Variants in PRKCE observed in about 807,000 individuals in gnomAD.
PRKCE encodes protein kinase C epsilon.
Under a neutral mutation model 85.4 loss-of-function variants are expected in PRKCE, and 16 were observed. The ratio of observed to expected loss-of-function variants is 0.19; its 90% CI spans 0.13 to 0.28. PRKCE has a LOEUF of 0.28. Ranked by LOEUF, PRKCE falls within the 10% of genes least tolerant of loss-of-function variation. PRKCE has a pLI of 1.00. For missense variants in PRKCE, 573 were observed against 975.2 expected (o/e 0.59, Z 5.49); for synonymous variants, 388 against 371.5 (o/e 1.04, Z -0.51).
intron 11 of PRKCE, among the ~76,000 whole-genome samples, chr2:46,123,287 C>T (rs115423808): frequency 0.067 from 7,723 of 115,278 alleles, 304 homozygotes; most frequent in Middle Eastern, 0.19. Context: ...AAGAGATAAG[C>T]AAAGCACATG....
rs111655713 is a variant in PRKCE at position 45,952,152 on chromosome 2, G to C, written c.413-24277G>C. 4.5e-3 allele frequency among the ~76,000 whole-genome samples: 690 copies of C among 152,312 alleles called. 3 individuals are homozygous for C. Among genetic ancestry groups the C allele is most frequent in the African/African-American group, 0.016 (647 of 41,564 alleles). On this transcript the variant is annotated intron_variant, in intron 2 of 14. Coordinates refer to ENST00000306156, the MANE Select transcript of PRKCE (RefSeq NM_005400.3). ...CCAGTTGATTCAGACTCTTAAAAGA[G>C]CCTGACTCCTAGAATGTTAGACCTA... is the stretch of plus-strand genomic sequence containing the variant.
Position 46,185,576 on chromosome 2 carries a change from T to G in PRKCE, c.*695T>G, listed in dbSNP as rs1050689353. 6 of 152,672 alleles carry G rather than the reference T, an allele frequency of 3.9e-5. No homozygotes were observed. Among genetic ancestry groups the G allele is most frequent in the African/African-American group, 1.4e-4 (6 of 41,464 alleles). The allele number at this position is 152,672 out of a possible 1,614,324, so 9.5% of individuals were successfully genotyped here. A position where few individuals can be genotyped will look rare whatever the true frequency, so the allele number is the denominator to read the frequency against. On this transcript the variant is annotated 3_prime_UTR_variant, in exon 15 of 15. Coordinates refer to ENST00000306156, the MANE Select transcript of PRKCE (RefSeq NM_005400.3). This position sits in a 1 kb window ranked among gnomAD's most constrained non-coding sequence, Gnocchi z 4.7. ...AACAGGGTTTTGAACTCTGTTAACA[T>G]TTGAAAAATATATTTTCAAATTCAC...
At chr2:45,737,649 C>A (rs1017491246) in intron 1 of PRKCE, among the ~76,000 whole-genome samples, 7 of 152,142 alleles carry the variant, frequency 4.6e-5, no homozygotes, top group Non-Finnish European at 1.5e-5. Context: ...TCCCCTGGAG[C>A]CTTAAGACAC....
chr2:45,728,301 T>A (rs1681258822), intron 1 of PRKCE, among the ~76,000 whole-genome samples: 1 of 152,226 alleles, frequency 6.6e-6, no homozygotes, highest in African/African-American at 2.4e-5. Context: ...TGAAATTTTT[T>A]ATTTTTATTT....
chr2:45,675,604 G>A (rs556976524), intron 1 of PRKCE: 27 of 152,312 alleles, frequency 1.8e-4, no homozygotes, highest in Non-Finnish European at 3.2e-4. Flanking sequence ...TGCATTTCCC[G>A]GTTTGGTCCT....
chr2:45,823,530 A>T (rs1425835114), intron 1 of PRKCE, among the ~76,000 whole-genome samples: 2 of 152,186 alleles, frequency 1.3e-5, no homozygotes, highest in East Asian at 3.8e-4. Context: ...CTACTTGACT[A>T]ATTGGGTACC....
chr2:46,134,678 C>T (rs982076610), intron 11 of PRKCE, among the ~76,000 whole-genome samples: 10 of 152,208 alleles, frequency 6.6e-5, no homozygotes, highest in Admixed American at 2.0e-4. Flanking sequence ...CTCATCCAGC[C>T]GTCTTATCTC....
chr2:46,064,994 T>C (rs1667497254), intron 10 of PRKCE, among the ~76,000 whole-genome samples: 1 of 152,232 alleles, frequency 6.6e-6, no homozygotes, highest in Admixed American at 6.5e-5. Context: ...TTTCATGTTC[T>C]AGCTTGAGAA....
chr2:45,717,317 A>G (rs927225812), intron 1 of PRKCE, among the ~76,000 whole-genome samples: 2 of 152,220 alleles, frequency 1.3e-5, no homozygotes, highest in Non-Finnish European at 2.9e-5. Context: ...CAGCACTTAG[A>G]TAACAACTGG....
At chr2:46,097,250 G>A (rs2104020299) in intron 11 of PRKCE, among the ~76,000 whole-genome samples, 1 of 152,246 alleles carries the variant, frequency 6.6e-6, no homozygotes, top group African/African-American at 2.4e-5. Context: ...AGGGTGCAGT[G>A]GCTCACACTG....
At chr2:45,970,560 G>T (rs1057371461) in intron 2 of PRKCE, among the ~76,000 whole-genome samples, 1 of 152,040 alleles carries the variant, frequency 6.6e-6, no homozygotes, top group Non-Finnish European at 1.5e-5. Context: ...GAACAGTAAA[G>T]GAGACTGTTC....
At chr2:45,827,724 C>A (rs754747) in intron 1 of PRKCE, among the ~76,000 whole-genome samples, 93,541 of 151,992 alleles carry the variant, frequency 0.62, 29,711 homozygotes, top group African/African-American at 0.77. Flanking sequence ...ATCATGTCCT[C>A]CTTCTTATTT....
intron 1 of PRKCE, among the ~76,000 whole-genome samples, chr2:45,840,031 C>T (rs569091474): frequency 2.0e-5 from 3 of 152,326 alleles, no homozygotes; most frequent in Admixed American, 1.3e-4. Context: ...CACGAGTTCT[C>T]ACTCCCCTTT....
At chr2:45,684,978 G>A (rs1265464418) in intron 1 of PRKCE, among the ~76,000 whole-genome samples, 1 of 152,238 alleles carries the variant, frequency 6.6e-6, no homozygotes, top group Non-Finnish European at 1.5e-5. Context: ...CCCTGGCTTT[G>A]GCACTGGTTA....
chr2:45,655,584 G>C (rs959998430), intron 1 of PRKCE, among the ~76,000 whole-genome samples: 2 of 152,088 alleles, frequency 1.3e-5, no homozygotes, highest in Non-Finnish European at 2.9e-5. Context: ...CCAACTACTT[G>C]GGAGGCTGAG....
chr2:45,965,531 C>G (rs1034036631), intron 2 of PRKCE, among the ~76,000 whole-genome samples: 1 of 152,182 alleles, frequency 6.6e-6, no homozygotes, highest in Non-Finnish European at 1.5e-5. Context: ...TGAGGAGCAC[C>G]TCCCAGTCAT....
At chr2:45,787,580 C>A (rs1033982039) in intron 1 of PRKCE, among the ~76,000 whole-genome samples, 1 of 152,122 alleles carries the variant, frequency 6.6e-6, no homozygotes, top group Non-Finnish European at 1.5e-5. Context: ...GGAGGGGTGA[C>A]AAGACTCATG....
At chr2:45,875,239 G>C (rs1694386149) in intron 2 of PRKCE, among the ~76,000 whole-genome samples, 1 of 152,192 alleles carries the variant, frequency 6.6e-6, no homozygotes, top group African/African-American at 2.4e-5. Context: ...AATTAGTAGA[G>C]ACCATTATAC....
At chr2:46,119,903 T>G (rs1673149824) in intron 11 of PRKCE, among the ~76,000 whole-genome samples, 1 of 152,226 alleles carries the variant, frequency 6.6e-6, no homozygotes, top group Non-Finnish European at 1.5e-5. Flanking sequence ...ATGTGTCTTT[T>G]AAAATGTCAC....
Sources: allele counts gnomAD v4.1 joint callset (sites outside exome capture counted in the v4.1 genomes callset), GRCh38; gene constraint gnomAD v4.1.1; non-coding constraint Gnocchi (gnomAD v3.1); transcripts MANE v1.5; gene names NCBI Gene and HGNC (gene_info 2026-07-23, HGNC 2026-07-21).